Variants in SYCP2 observed in about 807,000 individuals in gnomAD.
SYCP2 encodes synaptonemal complex lateral element protein.
Under a neutral mutation model 211.3 loss-of-function variants are expected in SYCP2, and 55 were observed. The observed-to-expected ratio is 0.26, with a 90% confidence interval of 0.21 to 0.33. The LOEUF (loss-of-function observed/expected upper bound fraction) is 0.33. Ranked by LOEUF, SYCP2 falls within the 10% of genes least tolerant of loss-of-function variation. SYCP2 has a pLI of 1.00. For synonymous variants in SYCP2, 570 were observed against 555.2 expected, an observed-to-expected ratio of 1.03 and a Z score of -0.37; for missense variants, 1,731 against 1,752.0, an observed-to-expected ratio of 0.99 and a Z score of 0.21.
At chr20:59,920,546 T>C (rs1375490415) in intron 4 of SYCP2, 59 bp from the exon 5 acceptor site, 37 of 1,339,806 alleles carry the variant, frequency 2.8e-5, no homozygotes, top group African/African-American at 7.3e-5. Context: ...GAAATAGACA[T>C]TGTACAAGGA....
intron 10 of SYCP2, 51 bp from the exon 11 acceptor site, chr20:59,914,302 A>ATT: frequency 2.8e-6 from 3 of 1,080,094 alleles, no homozygotes. Context: ...AATTAAGTTT[A>ATT]TAAAAGACCA....
chr20:59,892,954 GAA>G (rs1407507199), intron 22 of SYCP2, among the ~76,000 whole-genome samples, 186 bp downstream of exon 22: 2 of 151,712 alleles, frequency 1.3e-5, no homozygotes, highest in East Asian at 3.9e-4. Flanking sequence ...CTCTCCACTT[GAA>G]AAGAGTTATA....
intron 15 of SYCP2, 129 bp from the exon 16 acceptor site, chr20:59,901,939 A>C: frequency 1.5e-6 from 1 of 686,474 alleles, no homozygotes; most frequent in South Asian, 3.4e-5. Flanking sequence ...ACAGTGTTTA[A>C]ATTAATCAAT....
rs777216286 is a variant in SYCP2, at chr20:59,900,240, G to A, written c.1302C>T (p.Leu434=). ...ESQISPVGEE[L]VSLKEKSKSP... ...ACTTTGATTTTTCCTTTAAACTAAC[G>A]AGCTCTTCTCCGACTGGTGAGATTT... Residue 434 remains leucine (L), a synonymous_variant, in exon 18 of 45, where the codon CTC becomes CTT. Transcript: ENST00000357552. The A allele has an allele frequency of 2.5e-5, 41 of 1,612,050 alleles. No individual in the cohort carries two copies. Among genetic ancestry groups the A allele is most frequent in the Middle Eastern group, 1.6e-4 (1 of 6,070 alleles).
At chr20:59,920,277 A>G in intron 5 of SYCP2, 82 bp downstream of exon 5, 1 of 1,271,200 alleles carries the variant, frequency 7.9e-7, no homozygotes, top group Non-Finnish European at 1.1e-6. Context: ...TTTATTTTCA[A>G]CAATTTGGAT....
chr20:59,880,241 T>C (rs2059649746), intron 31 of SYCP2, 62 bp downstream of exon 31: 1 of 1,342,686 alleles, frequency 7.4e-7, no homozygotes, highest in Admixed American at 2.1e-5. Context: ...ATAAAGCATT[T>C]TCAATAATTG....
At chr20:59,896,615 G>C (rs137991151) in intron 18 of SYCP2, 87 bp from the exon 19 acceptor site, 10 of 667,740 alleles carry the variant, frequency 1.5e-5, no homozygotes, top group Non-Finnish European at 2.1e-5. Context: ...ATTTTGCCTT[G>C]ATACATGCCA....
rs945751843 is a variant in SYCP2, at chr20:59,868,587, A to C, written c.3833-19T>G. 1 of 1,563,082 alleles carries C rather than the reference A, an allele frequency of 6.4e-7. No individual in the cohort carries two copies. Among genetic ancestry groups the C allele is most frequent in the African/African-American group, 1.4e-5 (1 of 71,908 alleles). On this transcript the variant is annotated intron_variant, in intron 37 of 44. Coordinates refer to ENST00000357552, the MANE Select transcript of SYCP2 (RefSeq NM_014258.4). ...GTGGGGCCTTAGGAACAGTTAAAGA[A>C]AGTTAAAAGCGCTGCAATTTTCATT...
At chr20:59,914,373 A>C in intron 10 of SYCP2, 122 bp from the exon 11 acceptor site, 4 of 487,176 alleles carry the variant, frequency 8.2e-6, no homozygotes, top group Non-Finnish European at 1.4e-5. Context: ...GTAATTGATT[A>C]ATCTATTAAT....
At chr20:59,892,750 C>T (rs761808659) in intron 22 of SYCP2, 49 bp from the exon 23 acceptor site, 2 of 1,529,694 alleles carry the variant, frequency 1.3e-6, no homozygotes, top group Admixed American at 4.3e-5. Flanking sequence ...TAGCCTGTGA[C>T]TTTAAGACCT....
chr20:59,873,893 C>T lies in SYCP2; in HGVS notation c.3518G>A (p.Ser1173Asn). 1 of 1,613,056 alleles carries T rather than the reference C, an allele frequency of 6.2e-7. No individual in the cohort carries two copies. The highest frequency in any genetic ancestry group is 8.5e-7 in the Non-Finnish European group (1 of 1,179,518). Residue 1173 changes from serine to asparagine, a missense_variant, in exon 35 of 45, where the codon AGT (serine) becomes AAT (asparagine). Coordinates refer to ENST00000357552, the MANE Select transcript of SYCP2 (RefSeq NM_014258.4). ...KNNEKNFLCASESCSPIPRPL... is the reference protein window; with the variant it reads ...KNNEKNFLCANESCSPIPRPL... ...TCGTGGAATTGGTGAACAACTTTCA[C>T]TTGCACACAGGAAGTTTTTCTCATT... is the stretch of plus-strand genomic sequence containing the variant.
chr20:59,910,932 G>A (rs1162780681), intron 14 of SYCP2, among the ~76,000 whole-genome samples: 1 of 151,880 alleles, frequency 6.6e-6, no homozygotes. Context: ...TTCTAAGAAG[G>A]TACTTTAAAA....
intron 14 of SYCP2, among the ~76,000 whole-genome samples, chr20:59,910,202 G>A (rs1419466746): frequency 6.6e-6 from 1 of 151,936 alleles, no homozygotes; most frequent in Non-Finnish European, 1.5e-5. Flanking sequence ...GAGAATAAAG[G>A]GATAACATAC....
Position 59,866,545 on chromosome 20 carries a change from T to C in SYCP2, c.4170A>G (p.Lys1390=). 1 of 1,606,634 alleles carries C rather than the reference T, an allele frequency of 6.2e-7. No individual in the cohort carries two copies. The highest frequency in any genetic ancestry group is 1.7e-5 in the Admixed American group (1 of 58,296). Residue 1390 remains lysine, a synonymous_variant, in exon 40 of 45, where the codon AAA becomes AAG. Transcript: ENST00000357552. ...MLSYFTTQSW[K]TAQQHLRTMN... Reference sequence around the variant, plus strand: ...TTGTTCTCAGATGTTGCTGAGCTGTTTTCCAAGACTGCGTAGTAAAATAAC... The same window carrying C: ...TTGTTCTCAGATGTTGCTGAGCTGTCTTCCAAGACTGCGTAGTAAAATAAC...
At chr20:59,877,677 A>G in intron 32 of SYCP2, 122 bp from the exon 33 acceptor site, 2 of 794,684 alleles carry the variant, frequency 2.5e-6, no homozygotes, top group Non-Finnish European at 3.9e-6. Flanking sequence ...ATGATTCTTG[A>G]TTAACATACT....
chr20:59,877,617 T>G, intron 32 of SYCP2, 62 bp from the exon 33 acceptor site: 1 of 1,440,112 alleles, frequency 6.9e-7, no homozygotes, highest in Non-Finnish European at 9.4e-7. Context: ...TACAAGCAAT[T>G]TGCTATAAAA....
chr20:59,925,299 A>G (rs1036921535), intron 2 of SYCP2, among the ~76,000 whole-genome samples: 3 of 152,028 alleles, frequency 2.0e-5, no homozygotes, highest in Non-Finnish European at 4.4e-5. Flanking sequence ...GCAGCAAACC[A>G]CCATGACACA....
intron 24 of SYCP2, among the ~76,000 whole-genome samples, chr20:59,889,495 T>C (rs2059861782): frequency 6.6e-6 from 1 of 152,012 alleles, no homozygotes; most frequent in South Asian, 2.1e-4. Context: ...ATATGAGGTC[T>C]CCTGATTTTA....
At chr20:59,890,962 AGAATAT>A (rs1313462520) in intron 24 of SYCP2, among the ~76,000 whole-genome samples, 1 of 152,038 alleles carries the variant, frequency 6.6e-6, no homozygotes, top group Non-Finnish European at 1.5e-5. Context: ...GGGACCCAAA[AGAATAT>A]GATTAAAGAA....
Sources: gnomAD v4.1 joint callset for allele counts (sites outside exome capture counted in the v4.1 genomes callset) on GRCh38, gnomAD v4.1.1 for gene constraint, MANE v1.5 for transcripts, NCBI Gene and HGNC (gene_info 2026-07-23, HGNC 2026-07-21) for gene names.